Variants in GALNT13 observed in about 807,000 individuals in gnomAD.
The protein encoded by GALNT13 is UDP-GalNAc:polypeptide N-acetylgalactosaminyltransferase 13.
GALNT13 carries 28 observed loss-of-function variants against 64.2 expected under a neutral mutation model. The ratio of observed to expected loss-of-function variants is 0.44; its 90% CI spans 0.32 to 0.60. The LOEUF is 0.60. GALNT13 is among the 20% of genes least tolerant of loss of function. The pLI, the probability that GALNT13 is intolerant of heterozygous loss-of-function variation, is 0.05. For missense variants in GALNT13, 577 were observed against 669.8 expected, an observed-to-expected ratio of 0.86 and a Z score of 1.53; for synonymous variants, 214 against 224.6, an observed-to-expected ratio of 0.95 and a Z score of 0.42.
At chr2:154,403,193 C>G (rs1699376207) in intron 10 of GALNT13, among the ~76,000 whole-genome samples, 1 of 152,118 alleles carries the variant, frequency 6.6e-6, no homozygotes, top group Admixed American at 6.6e-5. Context: ...GTGGTTTACG[C>G]CTGTAACCTA....
the GALNT13 span, among the ~76,000 whole-genome samples, chr2:153,771,260 G>A: frequency 1.3e-5 from 2 of 152,170 alleles, no homozygotes; most frequent in African/African-American, 2.4e-5. Flanking sequence ...CAGGGAAGGA[G>A]CAGAGAAACT....
At chr2:153,633,027 C>T in the GALNT13 span, among the ~76,000 whole-genome samples, 1 of 152,136 alleles carries the variant, frequency 6.6e-6, no homozygotes, top group Non-Finnish European at 1.5e-5. Flanking sequence ...TCCCAAAGTG[C>T]TGGGATTACA....
At chr2:153,650,811 A>C in the GALNT13 span, among the ~76,000 whole-genome samples, 6 of 152,248 alleles carry the variant, frequency 3.9e-5, no homozygotes, top group East Asian at 7.7e-4. Flanking sequence ...TTAACTAAAG[A>C]CTGTTTTAAA....
the GALNT13 span, among the ~76,000 whole-genome samples, chr2:153,503,767 A>G: frequency 6.6e-6 from 1 of 152,136 alleles, no homozygotes; most frequent in Non-Finnish European, 1.5e-5. Context: ...TACAAGTACC[A>G]TGCTGTTTTG....
chr2:154,300,653 A>G (rs1693392356), intron 8 of GALNT13, among the ~76,000 whole-genome samples: 1 of 152,082 alleles, frequency 6.6e-6, no homozygotes, highest in Non-Finnish European at 1.5e-5. Context: ...ATACAACATA[A>G]TTTCATAGAA....
chr2:153,619,190 T>C, the GALNT13 span, among the ~76,000 whole-genome samples: 3 of 152,098 alleles, frequency 2.0e-5, no homozygotes, highest in African/African-American at 7.2e-5. Context: ...GTATCCATTG[T>C]GTGTTTTTCG....
intron 12 of GALNT13, among the ~76,000 whole-genome samples, chr2:154,443,340 C>T (rs538396565): frequency 3.5e-4 from 53 of 151,966 alleles, no homozygotes; most frequent in Non-Finnish European, 6.9e-4. Flanking sequence ...ATTACCTTGT[C>T]TGGAGATCAT....
At chr2:153,666,786 T>C in the GALNT13 span, among the ~76,000 whole-genome samples, 2 of 152,180 alleles carry the variant, frequency 1.3e-5, no homozygotes, top group Admixed American at 6.5e-5. Flanking sequence ...ATGACTGGAC[T>C]AGCTCCCCAG....
At chr2:154,110,838 G>A (rs1702944836) in intron 3 of GALNT13, among the ~76,000 whole-genome samples, 1 of 152,014 alleles carries the variant, frequency 6.6e-6, no homozygotes, top group South Asian at 2.1e-4. Flanking sequence ...ATCTCCTGAG[G>A]TTATACATAA....
chr2:154,161,483 G>A (rs1247764380), intron 4 of GALNT13, among the ~76,000 whole-genome samples: 2 of 152,102 alleles, frequency 1.3e-5, no homozygotes, highest in South Asian at 2.1e-4. Context: ...GAATGATTAC[G>A]TGGGTGGCTG....
intron 2 of GALNT13, among the ~76,000 whole-genome samples, chr2:153,935,914 A>T (rs1172802130): frequency 6.6e-6 from 1 of 152,224 alleles, no homozygotes; most frequent in Non-Finnish European, 1.5e-5. Flanking sequence ...GCCCTATTTC[A>T]GTATAACTTT....
chr2:153,547,988 T>C, the GALNT13 span, among the ~76,000 whole-genome samples: 10 of 152,210 alleles, frequency 6.6e-5, no homozygotes, highest in Non-Finnish European at 8.8e-5. Flanking sequence ...TGAAATGTAG[T>C]TGACATCCAA....
chr2:153,550,060 T>C, the GALNT13 span, among the ~76,000 whole-genome samples: 1 of 152,188 alleles, frequency 6.6e-6, no homozygotes, highest in Admixed American at 6.5e-5. Context: ...AGATATTGAC[T>C]GAAAGACATG....
At chr2:153,287,430 T>C in the GALNT13 span, among the ~76,000 whole-genome samples, 1 of 152,194 alleles carries the variant, frequency 6.6e-6, no homozygotes, top group African/African-American at 2.4e-5. Context: ...TCCTGGGTTC[T>C]TTATGTAGTG....
the GALNT13 span, chr2:153,478,146 T>C: frequency 9.9e-7 from 1 of 1,008,502 alleles, no homozygotes; most frequent in Non-Finnish European, 1.4e-6. Flanking sequence ...CCGACAGGTT[T>C]GCTTCGCCCA....
At chr2:153,196,846 G>A in the GALNT13 span, among the ~76,000 whole-genome samples, 4 of 152,224 alleles carry the variant, frequency 2.6e-5, no homozygotes, top group Admixed American at 6.5e-5. Flanking sequence ...GCCCAGCTCC[G>A]ACTCCTCCAT....
chr2:153,628,689 A>T, the GALNT13 span, among the ~76,000 whole-genome samples: 1 of 152,120 alleles, frequency 6.6e-6, no homozygotes, highest in Non-Finnish European at 1.5e-5. Flanking sequence ...CATCCCAGGG[A>T]TGAAGCCCAC....
At chr2:153,399,321 C>T in the GALNT13 span, among the ~76,000 whole-genome samples, 1 of 152,220 alleles carries the variant, frequency 6.6e-6, no homozygotes, top group Non-Finnish European at 1.5e-5. Flanking sequence ...GTTTTGGTTA[C>T]TGTAGCCTTG....
At chr2:153,858,252 A>G in the GALNT13 span, among the ~76,000 whole-genome samples, 1 of 152,180 alleles carries the variant, frequency 6.6e-6, no homozygotes, top group Admixed American at 6.6e-5. Flanking sequence ...AGTAGGCCCC[A>G]ATGATTTGAT....
Sources: allele counts gnomAD v4.1 joint callset (sites outside exome capture counted in the v4.1 genomes callset), GRCh38; gene constraint gnomAD v4.1.1; transcripts MANE v1.5; gene names NCBI Gene and HGNC (gene_info 2026-07-23, HGNC 2026-07-21).